Variants in EBF3 observed in about 807,000 individuals in gnomAD.
EBF3 encodes transcription factor COE3.
In EBF3, 18 loss-of-function variants were observed where a neutral mutation model predicts 77.1. That is an observed-to-expected ratio of 0.23 (90% CI 0.16 to 0.35). EBF3 has a LOEUF of 0.35. EBF3 is among the 10% of genes least tolerant of loss of function. The pLI, the probability that EBF3 is intolerant of heterozygous loss-of-function variation, is 1.00. For missense variants in EBF3, 558 were observed against 860.0 expected (o/e 0.65, Z 4.39); for synonymous variants, 350 against 343.5 (o/e 1.02, Z -0.21).
chr10:129,951,498 C>A (rs1264955336), intron 6 of EBF3, among the ~76,000 whole-genome samples: 1 of 152,266 alleles, frequency 6.6e-6, no homozygotes, highest in Non-Finnish European at 1.5e-5. Flanking sequence ...ACGAGGTTTT[C>A]ACCCTTGCAC....
At chr10:129,958,659 T>C (rs1355487060) in intron 5 of EBF3, among the ~76,000 whole-genome samples, 7 of 152,188 alleles carry the variant, frequency 4.6e-5, no homozygotes, top group Admixed American at 4.6e-4. Context: ...GACGGATGCA[T>C]CACCCAGACC....
In EBF3 at chr10:129,963,966, C is replaced by A; in HGVS notation, c.-198G>T. 6.8e-6 allele frequency: 7 copies of A among 1,027,106 alleles called. No homozygotes were observed. The highest frequency in any genetic ancestry group is 8.1e-6 in the Non-Finnish European group (7 of 859,122). The allele number at this position is 1,027,106 out of a possible 1,614,324, so 63.6% of individuals were successfully genotyped here. On this transcript the variant is annotated 5_prime_UTR_variant, in exon 1 of 17. Coordinates refer to ENST00000440978, the MANE Select transcript of EBF3 (RefSeq NM_001375380.1). This position sits in a 1 kb window ranked among gnomAD's most constrained non-coding sequence, Gnocchi z 7.1. ...GCCGGGCGCTCCGGACGGCCAGGGG[C>A]GCGGAGGCGGCTCCACCGGCGGCGG...
intron 6 of EBF3, among the ~76,000 whole-genome samples, chr10:129,884,719 C>CTGCA: frequency 1.3e-5 from 2 of 152,178 alleles, no homozygotes. Flanking sequence ...AGTACCTGGC[C>CTGCA]TGCACGTGCA....
chr10:129,887,636 G>T (rs1853701465), intron 6 of EBF3, among the ~76,000 whole-genome samples: 1 of 152,160 alleles, frequency 6.6e-6, no homozygotes, highest in Non-Finnish European at 1.5e-5. Context: ...GCATGGCAAA[G>T]CTTTGTCAGT....
Position 129,843,189 on chromosome 10 carries a change from T to C in EBF3, c.1142A>G (p.Lys381Arg), listed in dbSNP as rs760190381. 3.7e-6 allele frequency: 6 copies of C among 1,612,792 alleles called. No individual in the cohort carries two copies. The highest frequency in any genetic ancestry group is 5.1e-6 in the Non-Finnish European group (6 of 1,179,460). Residue 381 changes from lysine (K) to arginine (R), a missense_variant, in exon 12 of 17, where the codon AAG (lysine) becomes AGG (arginine). Lys to Arg is a conservative substitution (Grantham distance 26). Coordinates refer to ENST00000440978, the MANE Select transcript of EBF3 (RefSeq NM_001375380.1). Reference protein sequence around the residue: ...PERLPKEVLLKRAADLVEALY... With the variant: ...PERLPKEVLLRRAADLVEALY... ...GGCTTCCACCAGGTCCGCCGCCCGCTTCAGTAACACCTCCTAAAGGAAGAG... is the reference window on the plus strand; with the variant it reads ...GGCTTCCACCAGGTCCGCCGCCCGCCTCAGTAACACCTCCTAAAGGAAGAG...
chr10:129,857,111 C>T (rs1280252115), intron 10 of EBF3, among the ~76,000 whole-genome samples: 1 of 152,180 alleles, frequency 6.6e-6, no homozygotes, highest in Non-Finnish European at 1.5e-5. Context: ...TTTTCAATCT[C>T]CATGGAGGCA....
At chr10:129,893,912 C>A (rs1372503912) in intron 6 of EBF3, among the ~76,000 whole-genome samples, 1 of 152,188 alleles carries the variant, frequency 6.6e-6, no homozygotes, top group Non-Finnish European at 1.5e-5. Context: ...GCACGGGGCC[C>A]CACGTGTGAG....
chr10:129,839,222 T>C (rs1313942917), intron 15 of EBF3, 27 bp from the exon 16 acceptor site: 1 of 1,079,928 alleles, frequency 9.3e-7, no homozygotes, highest in Non-Finnish European at 1.3e-6. Flanking sequence ...GCTCAGTAAA[T>C]ACTGGTTGAA....
intron 8 of EBF3, among the ~76,000 whole-genome samples, chr10:129,871,236 G>A (rs1852385760): frequency 6.6e-6 from 1 of 152,192 alleles, no homozygotes; most frequent in African/African-American, 2.4e-5. Context: ...TTTACGAGGG[G>A]ACAAGTGACA....
intron 11 of EBF3, chr10:129,843,488 C>A (rs747093637): frequency 2.7e-6 from 1 of 374,622 alleles, no homozygotes; most frequent in Admixed American, 3.9e-5. Flanking sequence ...CGGCGGAGAA[C>A]GAGCCCAATC....
At chr10:129,896,014 T>C (rs1009183387) in intron 6 of EBF3, among the ~76,000 whole-genome samples, 5 of 152,320 alleles carry the variant, frequency 3.3e-5, no homozygotes, top group Admixed American at 2.6e-4. Context: ...GAAAATAGCA[T>C]CAAGCTAATT....
chr10:129,954,264 ATTATT>A (rs2134591553), intron 6 of EBF3, among the ~76,000 whole-genome samples: 1 of 152,204 alleles, frequency 6.6e-6, no homozygotes, highest in East Asian at 1.9e-4. Context: ...AAGTTGTTAT[ATTATT>A]TTAAATATAC....
intron 6 of EBF3, among the ~76,000 whole-genome samples, chr10:129,898,881 C>T (rs913261327): frequency 2.0e-5 from 3 of 152,236 alleles, no homozygotes; most frequent in Admixed American, 6.5e-5. Flanking sequence ...GCCCGGCCCG[C>T]GGCCGGCGTC....
At chr10:129,859,625 C>T (rs1851483432) in intron 10 of EBF3, among the ~76,000 whole-genome samples, 1 of 152,252 alleles carries the variant, frequency 6.6e-6, no homozygotes, top group South Asian at 2.1e-4. Flanking sequence ...TAATCCAAGC[C>T]TCAGCCTAGA....
intron 4 of EBF3, among the ~76,000 whole-genome samples, chr10:129,960,490 CTGAGAGA>C (rs1281961470): frequency 6.6e-6 from 1 of 152,254 alleles, no homozygotes; most frequent in Non-Finnish European, 1.5e-5. Context: ...ACCAGCGCTT[CTGAGAGA>C]GTGGCTTGTC....
chr10:129,936,727 CA>C (rs796775746), intron 6 of EBF3, among the ~76,000 whole-genome samples: 144 of 149,988 alleles, frequency 9.6e-4, no homozygotes, highest in African/African-American at 3.1e-3. Context: ...TGTGGGGACC[CA>C]GGGGGCTATG....
intron 6 of EBF3, among the ~76,000 whole-genome samples, chr10:129,932,984 G>A (rs773102432): frequency 5.7e-5 from 8 of 140,756 alleles, no homozygotes; most frequent in African/African-American, 1.1e-4. Flanking sequence ...CAGTGAGATT[G>A]CTAATCAGGA....
chr10:129,959,611 G>A (rs987358968), intron 4 of EBF3, among the ~76,000 whole-genome samples: 2 of 151,702 alleles, frequency 1.3e-5, no homozygotes, highest in African/African-American at 2.4e-5. Flanking sequence ...GGCTTCCCGC[G>A]TTCCAAACCC....
chr10:129,946,163 C>T (rs2134531758), intron 6 of EBF3, among the ~76,000 whole-genome samples: 1 of 152,380 alleles, frequency 6.6e-6, no homozygotes, highest in Middle Eastern at 3.4e-3. Flanking sequence ...GGATTCCCTG[C>T]TTCTCACTGC....
Sources: allele counts gnomAD v4.1 joint callset (sites outside exome capture counted in the v4.1 genomes callset), GRCh38; gene constraint gnomAD v4.1.1; non-coding constraint Gnocchi (gnomAD v3.1); transcripts MANE v1.5; gene names NCBI Gene and HGNC (gene_info 2026-07-23, HGNC 2026-07-21).